The following ATG7 variants were observed in gnomAD, a reference collection of about 807,000 sequenced individuals.
The protein encoded by ATG7 is ubiquitin-like modifier-activating enzyme ATG7.
A neutral mutation model predicts 82.4 loss-of-function variants in ATG7; 70 were observed. That is an observed-to-expected ratio of 0.85 (90% CI 0.70 to 1.04). ATG7 has a LOEUF of 1.04. Among genes scored for constraint, ATG7 ranks in the 50% least tolerant of loss-of-function variants. The probability of loss-of-function intolerance (pLI) is 0.00; values close to 1 mark genes in which losing one functional copy is unlikely to be tolerated. For synonymous variants in ATG7, 287 were observed against 313.0 expected (o/e 0.92, Z 0.88); for missense variants, 792 against 864.3 (o/e 0.92, Z 1.05).
At chr3:11,442,284 C>G (rs991291925) in intron 20 of ATG7, among the ~76,000 whole-genome samples, 27 of 152,148 alleles carry the variant, frequency 1.8e-4, no homozygotes, top group African/African-American at 6.3e-4. Flanking sequence ...GTGTTCACTC[C>G]TGGCCCCATC....
At chr3:11,396,793 A>AGAAAAG (rs1553642274) in intron 19 of ATG7, among the ~76,000 whole-genome samples, 2 of 143,748 alleles carry the variant, frequency 1.4e-5, no homozygotes, top group East Asian at 2.1e-4. Flanking sequence ...AAAAAAAAAA[A>AGAAAAG]AAAAGAAAAG....
chr3:11,400,998 A>G (rs2079784684), intron 19 of ATG7, among the ~76,000 whole-genome samples: 1 of 152,226 alleles, frequency 6.6e-6, no homozygotes, highest in Non-Finnish European at 1.5e-5. Flanking sequence ...GGACTTTAAA[A>G]ATGTGCTGCT....
intron 20 of ATG7, among the ~76,000 whole-genome samples, chr3:11,526,969 C>T (rs1240022461): frequency 6.7e-6 from 1 of 149,170 alleles, no homozygotes. Flanking sequence ...AATTTTTTGT[C>T]CTTTTATAAA....
At chr3:11,451,161 A>AATC (rs1491366403) in intron 20 of ATG7, among the ~76,000 whole-genome samples, 1 of 152,172 alleles carries the variant, frequency 6.6e-6, no homozygotes, top group Admixed American at 6.5e-5. Flanking sequence ...GTATCTTTTG[A>AATC]AAAGGACAGG....
chr3:11,337,488 C>CTATA (rs542151066), intron 11 of ATG7, among the ~76,000 whole-genome samples: 61 of 141,228 alleles, frequency 4.3e-4, no homozygotes, highest in African/African-American at 1.4e-3. Context: ...CTCTCTCTCT[C>CTATA]TATATATATA....
the ATG7 span, among the ~76,000 whole-genome samples, chr3:11,566,809 C>CG: frequency 6.6e-6 from 1 of 152,204 alleles, no homozygotes; most frequent in Admixed American, 6.5e-5. Flanking sequence ...CGCCCCTCCT[C>CG]ACACACGGCA....
In ATG7 at chr3:11,556,510, T is replaced by G. The variant is rs186875727; in HGVS notation, c.*1667T>G. 4 of 152,838 alleles carry G rather than the reference T, an allele frequency of 2.6e-5. No homozygotes were observed. The highest frequency in any genetic ancestry group is 2.0e-4 in the Admixed American group (3 of 15,302). The allele number at this position is 152,838 out of a possible 1,614,324, so 9.5% of individuals were successfully genotyped here. Reference sequence around the variant, plus strand: ...TTTCCTGTTACGACGCTCAGTAGCCTGTAGCAATAACAAACTCGTGGCTAT... The same window carrying G: ...TTTCCTGTTACGACGCTCAGTAGCCGGTAGCAATAACAAACTCGTGGCTAT... On this transcript the variant is annotated 3_prime_UTR_variant, in exon 21 of 21. Coordinates refer to ENST00000693202, the MANE Select transcript of ATG7 (RefSeq NM_001349232.2).
intron 20 of ATG7, among the ~76,000 whole-genome samples, chr3:11,545,009 T>TC (rs1009328924): frequency 1.1e-4 from 17 of 152,102 alleles, no homozygotes; most frequent in Non-Finnish European, 2.2e-4. Flanking sequence ...AGCAGGGAAG[T>TC]CGCTGCAGAC....
chr3:11,438,250 G>A (rs1296915977), intron 20 of ATG7, among the ~76,000 whole-genome samples: 3 of 152,156 alleles, frequency 2.0e-5, no homozygotes, highest in Non-Finnish European at 4.4e-5. Flanking sequence ...AACCAGCCCT[G>A]AGCAGTGGTT....
chr3:11,450,120 A>G (rs752960576), intron 20 of ATG7, among the ~76,000 whole-genome samples: 1 of 152,186 alleles, frequency 6.6e-6, no homozygotes, highest in African/African-American at 2.4e-5. Flanking sequence ...TGTACTAAGC[A>G]TTTATTTGGA....
chr3:11,388,718 G>A lies in ATG7; in HGVS notation c.1956+8666G>A, dbSNP rs551958321. Among the ~76,000 whole-genome samples the A allele has an allele frequency of 2.2e-4, 33 of 151,848 alleles. No homozygotes were observed. In the South Asian group the frequency reaches 2.7e-3, roughly 13 times the overall value. On this transcript the variant is annotated intron_variant, in intron 19 of 20. Transcript: ENST00000693202. ...GCTGGGATTACAGGTGTGAGCCACTGCGCCAGGCCCCTTCTTTCTTTTTTT... is the reference window on the plus strand; with the variant it reads ...GCTGGGATTACAGGTGTGAGCCACTACGCCAGGCCCCTTCTTTCTTTTTTT...
At chr3:11,306,304 A>T (rs191052309) in intron 5 of ATG7, among the ~76,000 whole-genome samples, 1 of 152,228 alleles carries the variant, frequency 6.6e-6, no homozygotes, top group African/African-American at 2.4e-5. Context: ...CATACTTTCT[A>T]TCCTCAAGGA....
At chr3:11,488,219 A>G in intron 20 of ATG7, 1 of 187,728 alleles carries the variant, frequency 5.3e-6, no homozygotes, top group Non-Finnish European at 9.4e-6. Flanking sequence ...CCAGGCAGAG[A>G]CACTCCTCAC....
intron 20 of ATG7, among the ~76,000 whole-genome samples, chr3:11,476,418 C>CT (rs57639760): frequency 0.53 from 73,797 of 139,408 alleles, 19,579 homozygotes; most frequent in East Asian, 0.66. Flanking sequence ...TGTGGTTTTT[C>CT]TTTTTTTTTT....
At chr3:11,505,632 A>G (rs1459792344) in intron 20 of ATG7, among the ~76,000 whole-genome samples, 2 of 152,186 alleles carry the variant, frequency 1.3e-5, no homozygotes, top group Non-Finnish European at 1.5e-5. Context: ...TCAGCCCTCA[A>G]GGGTCCTTGC....
At chr3:11,352,186 C>T (rs1036134366) in intron 14 of ATG7, among the ~76,000 whole-genome samples, 19 of 152,128 alleles carry the variant, frequency 1.2e-4, no homozygotes, top group Non-Finnish European at 5.9e-5. Flanking sequence ...TGAACTCATC[C>T]TTCTTTATGG....
chr3:11,525,756 G>T (rs1209010128), intron 20 of ATG7, among the ~76,000 whole-genome samples: 1 of 151,668 alleles, frequency 6.6e-6, no homozygotes, highest in African/African-American at 2.4e-5. Context: ...GGGTTTCACC[G>T]TGTTAGCCAG....
At chr3:11,414,599 A>G (rs2081210200) in intron 19 of ATG7, among the ~76,000 whole-genome samples, 1 of 152,090 alleles carries the variant, frequency 6.6e-6, no homozygotes, top group African/African-American at 2.4e-5. Flanking sequence ...AGGAGTGGTA[A>G]GGGGATTTTC....
intron 20 of ATG7, among the ~76,000 whole-genome samples, chr3:11,514,073 GCCACT>G (rs2092181496): frequency 6.6e-6 from 1 of 152,126 alleles, no homozygotes; most frequent in Admixed American, 6.5e-5. Context: ...CAAGGTCTCA[GCCACT>G]GTGTTTAGTT....
Sources: gnomAD v4.1 joint callset for allele counts (sites outside exome capture counted in the v4.1 genomes callset) on GRCh38, gnomAD v4.1.1 for gene constraint, MANE v1.5 for transcripts, NCBI Gene and HGNC (gene_info 2026-07-23, HGNC 2026-07-21) for gene names.